The following NFIL3 variants were observed in gnomAD, a reference collection of about 807,000 sequenced individuals.
The protein encoded by NFIL3 is nuclear factor, interleukin 3 regulated.
Under a neutral mutation model 10.0 loss-of-function variants are expected in NFIL3, and 5 were observed. That is an observed-to-expected ratio of 0.50 (90% CI 0.26 to 1.06). The LOEUF (loss-of-function observed/expected upper bound fraction) is 1.06. Ranked by LOEUF, NFIL3 falls within the 50% of genes least tolerant of loss-of-function variation. NFIL3 has a pLI of 0.13. For synonymous variants in NFIL3, 202 were observed against 206.5 expected, an observed-to-expected ratio of 0.98 and a Z score of 0.19; for missense variants, 436 against 547.6, an observed-to-expected ratio of 0.80 and a Z score of 2.03.
At chr9:91,454,544 A>G in the NFIL3 span, among the ~76,000 whole-genome samples, 1 of 152,114 alleles carries the variant, frequency 6.6e-6, no homozygotes, top group Non-Finnish European at 1.5e-5. Context: ...TTTTTAAAAA[A>G]CTGTCAGCTG....
At chr9:91,469,289 G>T in the NFIL3 span, among the ~76,000 whole-genome samples, 2 of 152,076 alleles carry the variant, frequency 1.3e-5, no homozygotes, top group African/African-American at 4.8e-5. Flanking sequence ...TCTCTTTGAA[G>T]CAATTGTGAA....
At chr9:91,449,822 G>A in the NFIL3 span, among the ~76,000 whole-genome samples, 17,369 of 151,982 alleles carry the variant, frequency 0.11, 2,138 homozygotes, top group African/African-American at 0.31. Context: ...CAGTAAAGCC[G>A]TCTGGTCCTG....
At chr9:91,411,969 G>T (rs1833558432) in intron 1 of NFIL3, among the ~76,000 whole-genome samples, 1 of 151,740 alleles carries the variant, frequency 6.6e-6, no homozygotes. Context: ...GGGTGTGGTG[G>T]TGTGTGCCTG....
At chr9:91,447,303 A>G in the NFIL3 span, among the ~76,000 whole-genome samples, 1 of 152,188 alleles carries the variant, frequency 6.6e-6, no homozygotes, top group African/African-American at 2.4e-5. Context: ...GCATTCCAGT[A>G]TCTGTTTGAG....
At position 91,409,736 on chromosome 9, in the gene NFIL3, G is replaced by T. The variant is rs1207606066; in HGVS notation, c.999C>A (p.Ala333=). The change falls in exon 2 of 2, where the codon GCC becomes GCA. Residue 333 remains alanine (A), a synonymous_variant. Transcript: ENST00000297689. The stretch of plus-strand genomic sequence containing the variant: ...CAAAGGCTTCTACTTTGATCTGCAT[G>T]GCTTTGGCTTTGATCCGGAGCTTGT... ...LPHKLRIKAK[A]MQIKVEAFDN... is the part of the protein sequence containing the mutation. 3.7e-6 allele frequency: 6 copies of T among 1,614,182 alleles called. No homozygotes were observed. The highest frequency in any genetic ancestry group is 5.1e-6 in the Non-Finnish European group (6 of 1,180,036).
chr9:91,469,616 A>G, the NFIL3 span, among the ~76,000 whole-genome samples: 1 of 152,208 alleles, frequency 6.6e-6, no homozygotes, highest in Non-Finnish European at 1.5e-5. Context: ...GCCAGTTTTC[A>G]AAGGGAATGC....
At chr9:91,465,243 A>G in the NFIL3 span, among the ~76,000 whole-genome samples, 1 of 152,016 alleles carries the variant, frequency 6.6e-6, no homozygotes, top group Non-Finnish European at 1.5e-5. Context: ...CCATTTTGAT[A>G]TTGTCCCAAA....
At chr9:91,419,602 G>A (rs987513598) in intron 1 of NFIL3, among the ~76,000 whole-genome samples, 2 of 152,192 alleles carry the variant, frequency 1.3e-5, no homozygotes, top group Admixed American at 1.3e-4. Flanking sequence ...CAGGCTCTGC[G>A]ACCTGGGCTG....
At chr9:91,424,068 C>T (rs1833831555), upstream of NFIL3, among the ~76,000 whole-genome samples, 1 of 151,242 alleles carries the variant, frequency 6.6e-6, no homozygotes, top group Admixed American at 6.6e-5. Context: ...GGGCCACCGC[C>T]GTCCGAGCGC....
the NFIL3 span, among the ~76,000 whole-genome samples, chr9:91,453,606 G>A: frequency 6.6e-6 from 1 of 151,740 alleles, no homozygotes; most frequent in Admixed American, 6.6e-5. Context: ...AAAACTATTT[G>A]ACCATTCGAG....
the NFIL3 span, among the ~76,000 whole-genome samples, chr9:91,454,567 C>T: frequency 3.3e-5 from 5 of 152,192 alleles, no homozygotes; most frequent in African/African-American, 1.2e-4. Flanking sequence ...CACAGTGGCT[C>T]ATGCCTGTAA....
chr9:91,468,300 T>C, the NFIL3 span, among the ~76,000 whole-genome samples: 1 of 152,246 alleles, frequency 6.6e-6, no homozygotes, highest in Non-Finnish European at 1.5e-5. Context: ...ATGATGAGCA[T>C]TTTTTCATGC....
the NFIL3 span, among the ~76,000 whole-genome samples, chr9:91,441,129 G>A: frequency 6.6e-6 from 1 of 152,036 alleles, no homozygotes; most frequent in Non-Finnish European, 1.5e-5. Flanking sequence ...TTATTGTATT[G>A]CTGTGTATTT....
the NFIL3 span, among the ~76,000 whole-genome samples, chr9:91,469,572 A>C: frequency 9.8e-5 from 15 of 152,288 alleles, no homozygotes; most frequent in Middle Eastern, 6.8e-3. Flanking sequence ...ACTATGTTGA[A>C]TAGGAGTGGG....
chr9:91,410,591 A>C lies in NFIL3; in HGVS notation c.144T>G (p.Ser48Arg). ...ATTTGTTCTTCCCCACACTTCCTTC[A>C]CTGAGAAGCAGCTCCTCACCTGTTG... ...DSTTGEELLL[S>R]EGSVGKNKSS... The change falls in exon 2 of 2, where the codon AGT becomes AGG. Residue 48 changes from serine (S) to arginine (R), a missense_variant. Physicochemically the swap from Ser to Arg is moderately radical, Grantham distance 110. This residue lies in a region of NFIL3 where 76 missense variants were observed against 73.0 expected (regional missense o/e 1.04). Transcript: ENST00000297689. This position sits in a 1 kb window ranked among gnomAD's most constrained non-coding sequence, Gnocchi z 5.7. The C allele has an allele frequency of 1.2e-6, 2 of 1,614,090 alleles. No homozygotes were observed. The highest frequency in any genetic ancestry group is 1.7e-6 in the Non-Finnish European group (2 of 1,180,014).
At position 91,409,739 on chromosome 9, in the gene NFIL3, T is replaced by A. The variant is rs1256420042; in HGVS notation, c.996A>T (p.Lys332Asn). Residue 332 changes from lysine to asparagine, a missense_variant, in exon 2 of 2, where the codon AAA becomes AAT. Physicochemically the swap from Lys to Asn is moderately conservative, Grantham distance 94. Coordinates refer to ENST00000297689, the MANE Select transcript of NFIL3 (RefSeq NM_005384.3). The stretch of plus-strand genomic sequence containing the variant: ...AGGCTTCTACTTTGATCTGCATGGC[T>A]TTGGCTTTGATCCGGAGCTTGTGTG... ...ALPHKLRIKA[K>N]AMQIKVEAFD... 6.2e-7 allele frequency: 1 copy of A among 1,614,238 alleles called. No homozygotes were observed. The highest frequency in any genetic ancestry group is 2.2e-5 in the East Asian group (1 of 44,888).
the NFIL3 span, among the ~76,000 whole-genome samples, chr9:91,438,032 G>A: frequency 6.6e-6 from 1 of 152,150 alleles, no homozygotes; most frequent in South Asian, 2.1e-4. Flanking sequence ...CCCAGAAAGG[G>A]GGTTGCTGGG....
At chr9:91,432,219 A>G in the NFIL3 span, among the ~76,000 whole-genome samples, 30,124 of 151,912 alleles carry the variant, frequency 0.2, 3,410 homozygotes, top group African/African-American at 0.3. Flanking sequence ...GTAGATAAAT[A>G]CCTCCTCTCT....
At chr9:91,462,090 T>C in the NFIL3 span, among the ~76,000 whole-genome samples, 2 of 152,154 alleles carry the variant, frequency 1.3e-5, no homozygotes, top group Non-Finnish European at 2.9e-5. Context: ...ACTTTAGACT[T>C]TGTTAGTTGA....
Sources: gnomAD v4.1 joint callset for allele counts (sites outside exome capture counted in the v4.1 genomes callset) on GRCh38, gnomAD v4.1.1 for gene constraint, gnomAD v4.1.1 regional missense constraint, Gnocchi (gnomAD v3.1) non-coding constraint, MANE v1.5 for transcripts, NCBI Gene and HGNC (gene_info 2026-07-23, HGNC 2026-07-21) for gene names.